RIMS4: variants seen among roughly 807,000 people sequenced by gnomAD.
The protein encoded by RIMS4 is regulating synaptic membrane exocytosis 4, also known as regulating synaptic membrane exocytosis protein 4.
RIMS4 carries 9 observed loss-of-function variants against 29.0 expected under a neutral mutation model. The ratio of observed to expected loss-of-function variants is 0.31; its 90% CI spans 0.19 to 0.54. The LOEUF (loss-of-function observed/expected upper bound fraction) is 0.54, where lower values mean the gene tolerates loss of function less well. Ranked by LOEUF, RIMS4 falls within the 20% of genes least tolerant of loss-of-function variation. The pLI is 0.94. For missense variants in RIMS4, 193 were observed against 365.7 expected, an observed-to-expected ratio of 0.53 and a Z score of 3.85; for synonymous variants, 130 against 152.9, an observed-to-expected ratio of 0.85 and a Z score of 1.10.
chr20:44,785,207 C>T (rs1324438167), intron 1 of RIMS4, among the ~76,000 whole-genome samples: 1 of 151,910 alleles, frequency 6.6e-6, no homozygotes, highest in Non-Finnish European at 1.5e-5. Context: ...CCTGCAATCC[C>T]TGGATTAAAA....
rs369049039 is a variant in RIMS4, at chr20:44,796,411, T to C, written c.97+13764A>G. Among the ~76,000 whole-genome samples, 8 of 150,534 alleles carry C rather than the reference T, an allele frequency of 5.3e-5. No individual in the cohort carries two copies. In the South Asian group the frequency reaches 1.3e-3, roughly 24 times the overall value. On this transcript the variant is annotated intron_variant, in intron 1 of 5. Transcript: ENST00000372851. ...AACTACTGGAGAAGAAAGAAGGAAA[T>C]AGAGTGGGGAGGAAGGAGAGGAGAG...
chr20:44,771,905 C>G (rs1029684664), intron 1 of RIMS4, among the ~76,000 whole-genome samples: 19 of 152,134 alleles, frequency 1.2e-4, no homozygotes, highest in Admixed American at 3.9e-4. Flanking sequence ...CAACCCTCAC[C>G]CCACCCCGCT....
At position 44,810,510 on chromosome 20, in the gene RIMS4, C is replaced by CGGCGGCGGCGGCGGCGGT. The variant is rs1349529079; in HGVS notation, c.-240_-239insACCGCCGCCGCCGCCGCC. Among the ~76,000 whole-genome samples the CGGCGGCGGCGGCGGCGGT allele has an allele frequency of 7.3e-6, 1 of 137,498 alleles. No homozygotes were observed. The highest frequency in any genetic ancestry group is 2.2e-4 in the South Asian group (1 of 4,638). The allele number at this position is 137,498 out of a possible 152,430, so 90.2% of individuals were successfully genotyped here. A position where few individuals can be genotyped will look rare whatever the true frequency, so the allele number is the denominator to read the frequency against. ...GTGCTGCTGGCGGCGGCGGCGGCGG[C>CGGCGGCGGCGGCGGCGGT]GGCGGTGGCGGCGGCGGTGGCGGCG... On this transcript the variant is annotated 5_prime_UTR_variant, in exon 1 of 6. Transcript: ENST00000372851.
chr20:44,784,733 T>A (rs530431183), intron 1 of RIMS4, among the ~76,000 whole-genome samples: 78 of 152,312 alleles, frequency 5.1e-4, no homozygotes, highest in Non-Finnish European at 3.7e-4. Context: ...ATCTCTTCCT[T>A]GATTTGGCCT....
Position 44,753,322 on chromosome 20 carries a change from G to A in RIMS4, c.*2812C>T, listed in dbSNP as rs2066043156. The stretch of plus-strand genomic sequence containing the variant: ...TTGGGAGGAGGGGACCCAGGCTGGG[G>A]GTGCCACTGAACACACAGGTGACTC... On this transcript the variant is annotated 3_prime_UTR_variant, in exon 6 of 6. Coordinates refer to ENST00000372851, the MANE Select transcript of RIMS4 (RefSeq NM_182970.4). 1 of 152,482 alleles carries A rather than the reference G, an allele frequency of 6.6e-6. No homozygotes were observed. Among genetic ancestry groups the A allele is most frequent in the Non-Finnish European group, 1.5e-5 (1 of 68,092 alleles). The allele number at this position is 152,482 out of a possible 1,614,324, so 9.4% of individuals were successfully genotyped here. A position where few individuals can be genotyped will look rare whatever the true frequency, so the allele number is the denominator to read the frequency against.
At chr20:44,809,909 C>T (rs1350247371) in intron 1 of RIMS4, among the ~76,000 whole-genome samples, 1 of 151,676 alleles carries the variant, frequency 6.6e-6, no homozygotes, top group African/African-American at 2.4e-5. Context: ...CCAATAGGCG[C>T]GGGTGAGGAG....
At chr20:44,805,101 C>G (rs113526461) in intron 1 of RIMS4, among the ~76,000 whole-genome samples, 105 of 151,914 alleles carry the variant, frequency 6.9e-4, no homozygotes, top group Non-Finnish European at 1.3e-3. Context: ...GAGTTTGAGA[C>G]CAGTCTGGGT....
intron 2 of RIMS4, among the ~76,000 whole-genome samples, chr20:44,762,638 G>A (rs534200415): frequency 1.3e-5 from 2 of 152,304 alleles, no homozygotes; most frequent in Non-Finnish European, 2.9e-5. Flanking sequence ...ATATCTGGGC[G>A]GCTGCCTGAT....
In RIMS4 at chr20:44,810,299, C is replaced by A; in HGVS notation, c.-28G>T. 1 of 956,248 alleles carries A rather than the reference C, an allele frequency of 1.0e-6. No individual in the cohort carries two copies. The highest frequency in any genetic ancestry group is 1.3e-6 in the Non-Finnish European group (1 of 782,020). The allele number at this position is 956,248 out of a possible 1,614,324, so 59.2% of individuals were successfully genotyped here. ...CCGCGCCGGCGCCGGGCGCCTCGGC[C>A]GCGGCGGCGGCGGCGGCGGCGGGCG... On this transcript the variant is annotated 5_prime_UTR_variant, in exon 1 of 6. Coordinates refer to ENST00000372851, the MANE Select transcript of RIMS4 (RefSeq NM_182970.4).
At position 44,755,966 on chromosome 20, in the gene RIMS4, C is replaced by A. The variant is rs1422149163; in HGVS notation, c.*168G>T. ...GAGGGGAGGTCTCGGGGGTAGGAGGCAAAGAAGGGGTGAGGAGGGGCCCAA... is the reference window on the plus strand; with the variant it reads ...GAGGGGAGGTCTCGGGGGTAGGAGGAAAAGAAGGGGTGAGGAGGGGCCCAA... On this transcript the variant is annotated 3_prime_UTR_variant, in exon 6 of 6. Coordinates refer to ENST00000372851, the MANE Select transcript of RIMS4 (RefSeq NM_182970.4). 1.7e-6 allele frequency: 1 copy of A among 591,280 alleles called. No individual in the cohort carries two copies. The highest frequency in any genetic ancestry group is 3.0e-6 in the Non-Finnish European group (1 of 334,872). 36.6% of individuals were successfully genotyped at this position (591,280 alleles called of 1,614,324 possible). A position where few individuals can be genotyped will look rare whatever the true frequency, so the allele number is the denominator to read the frequency against.
intron 1 of RIMS4, among the ~76,000 whole-genome samples, chr20:44,777,348 G>A (rs888837451): frequency 2.0e-5 from 3 of 152,160 alleles, no homozygotes; most frequent in Admixed American, 1.3e-4. Context: ...TTTAATGTAC[G>A]TTCTCCCAAA....
chr20:44,793,217 G>A (rs2066240516), intron 1 of RIMS4, among the ~76,000 whole-genome samples: 1 of 152,166 alleles, frequency 6.6e-6, no homozygotes, highest in South Asian at 2.1e-4. Flanking sequence ...CCAAGATTGT[G>A]CGGCCCAGGG....
Position 44,758,197 on chromosome 20 carries a change from A to G in RIMS4, c.237-13T>C. 6.3e-7 allele frequency: 1 copy of G among 1,584,978 alleles called. No individual in the cohort carries two copies. The highest frequency in any genetic ancestry group is 8.6e-7 in the Non-Finnish European group (1 of 1,158,486). ...TCCATAGTTAAGGCTGCAAGAGGAA[A>G]AGGTGAGACAAAGCACACATTCCCA... On this transcript the variant is annotated splice_polypyrimidine_tract_variant and intron_variant, in intron 2 of 5. Coordinates refer to ENST00000372851, the MANE Select transcript of RIMS4 (RefSeq NM_182970.4).
chr20:44,778,042 G>A (rs2066168056), intron 1 of RIMS4, among the ~76,000 whole-genome samples: 1 of 152,200 alleles, frequency 6.6e-6, no homozygotes, highest in Admixed American at 6.5e-5. Flanking sequence ...CCCTGGCCTA[G>A]TTATTCCCAG....
chr20:44,777,270 T>C (rs932958034), intron 1 of RIMS4, among the ~76,000 whole-genome samples: 1 of 152,096 alleles, frequency 6.6e-6, no homozygotes, highest in Admixed American at 6.5e-5. Context: ...CCAAGAAAAA[T>C]GGAAATTCTC....
intron 4 of RIMS4, 112 bp downstream of exon 4, chr20:44,757,558 C>A (rs1428806285): frequency 7.5e-6 from 6 of 799,146 alleles, no homozygotes; most frequent in South Asian, 7.3e-5. Context: ...AGAGTTGGGA[C>A]AGGGGGTCCC....
In RIMS4 at chr20:44,787,135, C is replaced by T. The variant is rs970302035; in HGVS notation, c.98-15722G>A. Among the ~76,000 whole-genome samples, 8 of 152,062 alleles carry T rather than the reference C, an allele frequency of 5.3e-5. No homozygotes were observed. In the East Asian group the frequency reaches 9.6e-4, roughly 18 times the overall value. The stretch of plus-strand genomic sequence containing the variant: ...CACAGGGAACAGAAACGTAAAGGCC[C>T]GTGGCAGACATGTCTGGTATGTTCG... On this transcript the variant is annotated intron_variant, in intron 1 of 5. Transcript: ENST00000372851.
intron 1 of RIMS4, among the ~76,000 whole-genome samples, chr20:44,798,076 C>A (rs2066262382): frequency 6.6e-6 from 1 of 152,216 alleles, no homozygotes; most frequent in Non-Finnish European, 1.5e-5. Flanking sequence ...GCCCTCCTCT[C>A]TGGATACACG....
chr20:44,774,265 T>G (rs1031488534), intron 1 of RIMS4, among the ~76,000 whole-genome samples: 7 of 152,202 alleles, frequency 4.6e-5, no homozygotes, highest in African/African-American at 1.7e-4. Context: ...AATGTCACTG[T>G]GATTGTTAAT....
Sources: allele counts gnomAD v4.1 joint callset (sites outside exome capture counted in the v4.1 genomes callset), GRCh38; gene constraint gnomAD v4.1.1; transcripts MANE v1.5; gene names NCBI Gene and HGNC (gene_info 2026-07-23, HGNC 2026-07-21).